The following DMD variants were observed in gnomAD, a reference collection of about 807,000 sequenced individuals.
DMD encodes mutant dystrophin.
DMD carries 63 observed loss-of-function variants against 330.1 expected under a neutral mutation model. The observed-to-expected ratio is 0.19, with a 90% CI of 0.16 to 0.24. DMD has a LOEUF of 0.24. Ranked by LOEUF, DMD falls within the 10% of genes least tolerant of loss-of-function variation. The pLI is 1.00. For synonymous variants in DMD, 1,223 were observed against 959.8 expected (o/e 1.27, Z -5.07); for missense variants, 3,344 against 2,684.1 (o/e 1.25, Z -5.43).
chrX:32,320,571 A>G (rs1401996245), intron 41 of DMD, among the ~76,000 whole-genome samples: 1 of 111,348 alleles, frequency 9.0e-6, no homozygotes, highest in East Asian at 2.8e-4. Context: ...CTAGAGAATG[A>G]CAATACATTT....
At chrX:31,816,289 C>T (rs982003351) in intron 50 of DMD, among the ~76,000 whole-genome samples, 4 of 110,655 alleles carry the variant, frequency 3.6e-5, no homozygotes, top group Admixed American at 1.9e-4. Context: ...GCAAGGCCAC[C>T]CCATTATAAT....
intron 7 of DMD, among the ~76,000 whole-genome samples, chrX:32,732,575 C>G (rs187577296): frequency 4.5e-5 from 5 of 111,338 alleles, no homozygotes; most frequent in African/African-American, 1.3e-4. Flanking sequence ...CGGCAGACAC[C>G]CTACAAGCCA....
At chrX:32,849,616 G>C (rs1325532405) in intron 3 of DMD, 112 bp downstream of exon 3, 7 of 577,051 alleles carry the variant, frequency 1.2e-5, no homozygotes, top group Admixed American at 1.1e-4. Context: ...AGGTATTGCT[G>C]TTTCAATCAG....
intron 11 of DMD, among the ~76,000 whole-genome samples, chrX:32,618,448 G>A (rs915743145): frequency 2.7e-5 from 3 of 111,534 alleles, no homozygotes; most frequent in African/African-American, 9.8e-5. Context: ...ACTTATAAGT[G>A]GGAGCTAAAT....
chrX:31,751,227 C>T (rs2088537230), intron 51 of DMD, among the ~76,000 whole-genome samples: 1 of 110,990 alleles, frequency 9.0e-6, no homozygotes, highest in African/African-American at 3.3e-5. Flanking sequence ...GGAGGCATCA[C>T]GCTACCTGAC....
chrX:31,710,679 T>C (rs2084559646), intron 52 of DMD, among the ~76,000 whole-genome samples: 1 of 111,650 alleles, frequency 9.0e-6, no homozygotes, highest in Non-Finnish European at 1.9e-5. Context: ...TTATTATTTC[T>C]TCTTTCAAAT....
intron 9 of DMD, among the ~76,000 whole-genome samples, chrX:32,645,840 G>C (rs1364703144): frequency 8.9e-6 from 1 of 112,226 alleles, no homozygotes; most frequent in Non-Finnish European, 1.9e-5. Flanking sequence ...GAATGCAAAT[G>C]GTTGTCTTGG....
chrX:32,252,878 A>G (rs1438759516), intron 43 of DMD, among the ~76,000 whole-genome samples: 1 of 74,007 alleles, frequency 1.4e-5, no homozygotes, highest in African/African-American at 5.9e-5. Context: ...AAATATATAA[A>G]AATATATATA....
intron 7 of DMD, among the ~76,000 whole-genome samples, chrX:32,770,793 T>G (rs1222166579): frequency 9.0e-6 from 1 of 111,323 alleles, no homozygotes; most frequent in Non-Finnish European, 1.9e-5. Flanking sequence ...GAAATAAAAA[T>G]AAGGACAAAT....
At chrX:32,880,979 TCAAA>T (rs1212684247) in intron 2 of DMD, among the ~76,000 whole-genome samples, 1 of 112,920 alleles carries the variant, frequency 8.9e-6, no homozygotes, top group Non-Finnish European at 1.9e-5. Flanking sequence ...AAGATTTCTT[TCAAA>T]CCTGTAATCT....
At chrX:31,142,076 T>C (rs1054416771) in intron 76 of DMD, among the ~76,000 whole-genome samples, 2 of 111,953 alleles carry the variant, frequency 1.8e-5, no homozygotes, top group Non-Finnish European at 3.8e-5. Flanking sequence ...GCTGGGAAAG[T>C]GCTTCAGATT....
intron 2 of DMD, among the ~76,000 whole-genome samples, chrX:32,862,214 C>A (rs762509683): frequency 2.7e-5 from 3 of 111,919 alleles, no homozygotes; most frequent in Non-Finnish European, 3.8e-5. Flanking sequence ...TGTTCAAGAG[C>A]AAAGCTACAA....
chrX:32,122,606 CT>C (rs1253951420), intron 44 of DMD, among the ~76,000 whole-genome samples: 1 of 111,501 alleles, frequency 9.0e-6, no homozygotes, highest in African/African-American at 3.3e-5. Context: ...TCTGTGCCCC[CT>C]GCCCACCCCA....
intron 7 of DMD, among the ~76,000 whole-genome samples, chrX:32,781,528 G>A (rs935203673): frequency 1.1e-4 from 12 of 110,501 alleles, no homozygotes; most frequent in Admixed American, 4.9e-4. Flanking sequence ...TCAATATACC[G>A]GGAACACTGT....
chrX:31,133,349 G>A (rs553420413), intron 77 of DMD, among the ~76,000 whole-genome samples: 2 of 110,913 alleles, frequency 1.8e-5, no homozygotes, highest in Non-Finnish European at 3.8e-5. Flanking sequence ...TTTATGTGAG[G>A]GCAATAAACC....
intron 74 of DMD, among the ~76,000 whole-genome samples, chrX:31,157,813 T>C (rs28391308): frequency 1.6e-4 from 17 of 106,636 alleles, no homozygotes; most frequent in Admixed American, 1.5e-3. Flanking sequence ...TTTTTTTTTT[T>C]CTTTTTTTGA....
intron 1 of DMD, among the ~76,000 whole-genome samples, chrX:33,336,688 A>G (rs2054260226): frequency 9.0e-6 from 1 of 111,687 alleles, no homozygotes; most frequent in Non-Finnish European, 1.9e-5. Context: ...AAAATATATT[A>G]AAATGTTTGC....
At chrX:31,282,491 G>C (rs2052696726) in intron 62 of DMD, among the ~76,000 whole-genome samples, 1 of 110,307 alleles carries the variant, frequency 9.1e-6, no homozygotes, top group African/African-American at 3.3e-5. Context: ...AATGAAATGT[G>C]TTGCCTAAGA....
chrX:32,216,918 T>G lies in DMD; in HGVS notation c.6436A>C (p.Lys2146Gln), dbSNP rs774219434. 2 of 1,207,974 alleles carry G rather than the reference T, an allele frequency of 1.7e-6. No homozygotes were observed. Among genetic ancestry groups the G allele is most frequent in the South Asian group, 3.5e-5 (2 of 56,735 alleles). Residue 2146 changes from lysine to glutamine, a missense_variant and splice_region_variant, in exon 44 of 79, where the codon AAG (lysine) becomes CAG (glutamine). By Grantham distance (53) the Lys-to-Gln change is moderately conservative (BLOSUM62 1). Transcript: ENST00000357033. ...GAAAAAACAAATCAAAGACTTACCT[T>G]AAGATACCATTTGTATTTAGCATGT... ...WEHAKYKWYL[K>Q]ELQDGIGQRQ...
Sources: allele counts gnomAD v4.1 joint callset (sites outside exome capture counted in the v4.1 genomes callset), GRCh38; gene constraint gnomAD v4.1.1; transcripts MANE v1.5; gene names NCBI Gene and HGNC (gene_info 2026-07-23, HGNC 2026-07-21).